The following TNKS2 variants were observed in gnomAD, a reference collection of about 807,000 sequenced individuals.
TNKS2 encodes poly [ADP-ribose] polymerase tankyrase-2.
TNKS2 carries 72 observed loss-of-function variants against 137.6 expected under a neutral mutation model. The observed-to-expected ratio is 0.52, with a 90% CI of 0.43 to 0.64. The LOEUF (loss-of-function observed/expected upper bound fraction) is 0.64, where lower values mean the gene tolerates loss of function less well. TNKS2 is among the 30% of genes least tolerant of loss of function. The pLI, the probability that TNKS2 is intolerant of heterozygous loss-of-function variation, is 0.00. For synonymous variants in TNKS2, 516 were observed against 512.1 expected, an observed-to-expected ratio of 1.01 and a Z score of -0.10; for missense variants, 1,049 against 1,410.2, an observed-to-expected ratio of 0.74 and a Z score of 4.10.
chr10:91,837,015 C>G lies in TNKS2; in HGVS notation c.1527+17C>G. Reference sequence around the variant, plus strand: ...ACTGTAAAAGTAAGATACAGTGTTACGTTTCTGTTAACTTTGGGTTTTTAT... The same window carrying G: ...ACTGTAAAAGTAAGATACAGTGTTAGGTTTCTGTTAACTTTGGGTTTTTAT... On this transcript the variant is annotated intron_variant, in intron 13 of 26. Coordinates refer to ENST00000371627, the MANE Select transcript of TNKS2 (RefSeq NM_025235.4). The G allele has an allele frequency of 6.2e-7, 1 of 1,608,474 alleles. No individual in the cohort carries two copies. The highest frequency in any genetic ancestry group is 1.1e-5 in the South Asian group (1 of 89,856).
At chr10:91,815,727 T>TA (rs1187391268) in intron 2 of TNKS2, among the ~76,000 whole-genome samples, 15 of 152,170 alleles carry the variant, frequency 9.9e-5, no homozygotes, top group Admixed American at 6.5e-4. Flanking sequence ...TAGAAAATGT[T>TA]AAATTATTTA....
intron 21 of TNKS2, among the ~76,000 whole-genome samples, chr10:91,851,555 C>T (rs1842537937): frequency 6.6e-6 from 1 of 152,042 alleles, no homozygotes; most frequent in Non-Finnish European, 1.5e-5. Flanking sequence ...AATTTCTGGA[C>T]CATTCAGAAA....
intron 6 of TNKS2, among the ~76,000 whole-genome samples, chr10:91,820,272 C>G (rs1214499200): frequency 6.6e-6 from 1 of 152,176 alleles, no homozygotes; most frequent in African/African-American, 2.4e-5. Flanking sequence ...AATGAGGTCT[C>G]TACCAAGTGT....
chr10:91,801,845 T>G (rs1589637103), intron 1 of TNKS2, among the ~76,000 whole-genome samples: 1 of 152,184 alleles, frequency 6.6e-6, no homozygotes, highest in East Asian at 1.9e-4. Flanking sequence ...GCTCTAATTT[T>G]ACTAAAAGCA....
chr10:91,819,296 G>C lies in TNKS2; in HGVS notation c.547G>C (p.Glu183Gln). 6.9e-7 allele frequency: 1 copy of C among 1,448,748 alleles called. No individual in the cohort carries two copies. Among genetic ancestry groups the C allele is most frequent in the South Asian group, 1.5e-5 (1 of 68,620 alleles). 89.7% of individuals were successfully genotyped at this position (1,448,748 alleles called of 1,614,324 possible). The change falls in exon 4 of 27, where the codon GAA (glutamate) becomes CAA (glutamine). Residue 183 changes from glutamate (E) to glutamine (Q), a missense_variant. Physicochemically the swap from Glu to Gln is conservative, Grantham distance 29. Transcript: ENST00000371627. ...TGEYKKDELL[E>Q]SARSGNEEKM... ...TGAATATAAGAAAGATGAACTCTTA[G>C]AAAGTGCCAGGTACGTACTAATGTT...
At chr10:91,859,935 TTATTGTAGCCCTTGAG>T (rs1255429849) in intron 25 of TNKS2, among the ~76,000 whole-genome samples, 1 of 152,200 alleles carries the variant, frequency 6.6e-6, no homozygotes, top group Non-Finnish European at 1.5e-5. Flanking sequence ...GAAAGAGGCT[TTATTGTAGCCCTTGAG>T]TATTGTAGGA....
intron 11 of TNKS2, among the ~76,000 whole-genome samples, chr10:91,831,787 A>C (rs1434457279): frequency 1.3e-5 from 2 of 152,334 alleles, no homozygotes; most frequent in South Asian, 4.1e-4. Context: ...AAAGATATAC[A>C]TAGCATCTCA....
intron 2 of TNKS2, among the ~76,000 whole-genome samples, chr10:91,814,169 G>A (rs1183822277): frequency 6.6e-6 from 1 of 152,136 alleles, no homozygotes; most frequent in African/African-American, 2.4e-5. Context: ...GAGAAGATAT[G>A]GAGGTGGAAG....
In TNKS2 at chr10:91,799,511, A is replaced by G. The variant is rs56226527; in HGVS notation, c.199+622A>G. On this transcript the variant is annotated intron_variant, in intron 1 of 26. Coordinates refer to ENST00000371627, the MANE Select transcript of TNKS2 (RefSeq NM_025235.4). Reference sequence around the variant, plus strand: ...CGGGAAGCCTTAGACACACACACATACAAGTTGGGCGGAAAGTGGTAGTAT... The same window carrying G: ...CGGGAAGCCTTAGACACACACACATGCAAGTTGGGCGGAAAGTGGTAGTAT... Among the ~76,000 whole-genome samples the G allele has an allele frequency of 3.4e-3, 514 of 152,298 alleles. 3 individuals carry two copies. The highest frequency in any genetic ancestry group is 0.011 in the African/African-American group (473 of 41,574).
intron 18 of TNKS2, 29 bp downstream of exon 18, chr10:91,845,969 A>G: frequency 6.1e-6 from 9 of 1,483,916 alleles, no homozygotes; most frequent in Non-Finnish European, 8.2e-6. Flanking sequence ...GAAAAATCTC[A>G]GTGCTTTTCT....
chr10:91,817,926 A>T (rs1466424354), intron 3 of TNKS2, among the ~76,000 whole-genome samples: 1 of 152,222 alleles, frequency 6.6e-6, no homozygotes, highest in Non-Finnish European at 1.5e-5. Flanking sequence ...CTACCTTGTG[A>T]TGACTAGAAT....
At chr10:91,839,557 G>A (rs1240013194) in intron 13 of TNKS2, among the ~76,000 whole-genome samples, 1 of 152,110 alleles carries the variant, frequency 6.6e-6, no homozygotes, top group Non-Finnish European at 1.5e-5. Context: ...CTCCCAAAGT[G>A]CTGTGATTAC....
Position 91,828,926 on chromosome 10 carries a change from C to A in TNKS2, c.1104+520C>A, listed in dbSNP as rs10881978. Among the ~76,000 whole-genome samples, 11 of 151,178 alleles carry A rather than the reference C, an allele frequency of 7.3e-5. No homozygotes were observed. In the South Asian group the frequency reaches 1.2e-3, roughly 17 times the overall value. On this transcript the variant is annotated intron_variant, in intron 9 of 26. Coordinates refer to ENST00000371627, the MANE Select transcript of TNKS2 (RefSeq NM_025235.4). ...AGTAGATGTGAGTAGAGAAGTCTAA[C>A]GAAAAACAGAAAAGAATGGAAGCTA... is the stretch of plus-strand genomic sequence containing the variant.
intron 13 of TNKS2, among the ~76,000 whole-genome samples, chr10:91,839,844 A>G (rs937537369): frequency 4.6e-5 from 7 of 152,194 alleles, no homozygotes; most frequent in Admixed American, 1.3e-4. Flanking sequence ...ATTCTGACTC[A>G]GTAGATAGAG....
At position 91,827,038 on chromosome 10, in the gene TNKS2, A is replaced by G. The variant is rs778633485; in HGVS notation, c.817A>G (p.Met273Val). 5.0e-6 allele frequency: 8 copies of G among 1,588,942 alleles called. No individual in the cohort carries two copies. Among genetic ancestry groups the G allele is most frequent in the Admixed American group, 3.7e-5 (2 of 54,342 alleles). ...CCAGCATGGTGCCTGTGTAAATGCA[A>G]TGGACTTGTGGCAATTCACTCCTCT... is the stretch of plus-strand genomic sequence containing the variant. ...LVKHGACVNA[M>V]DLWQFTPLHE... Residue 273 changes from methionine to valine, a missense_variant, in exon 8 of 27, where the codon ATG becomes GTG. Around this residue, in one of 6 missense-constraint regions of TNKS2, gnomAD observed 374 missense variants for 460.8 expected, o/e 0.81. Coordinates refer to ENST00000371627, the MANE Select transcript of TNKS2 (RefSeq NM_025235.4).
rs992890432 is a variant in TNKS2 at position 91,810,235 on chromosome 10, AG to A, written c.200-2746del. The stretch of plus-strand genomic sequence containing the variant: ...TACTAAAAATACAAAAAAATTAGCC[AG>A]GCATGGTGGTGCACACCTGTAGTCC... On this transcript the variant is annotated intron_variant, in intron 1 of 26. Coordinates refer to ENST00000371627, the MANE Select transcript of TNKS2 (RefSeq NM_025235.4). Among the ~76,000 whole-genome samples, 16 of 151,964 alleles carry A rather than the reference AG, an allele frequency of 1.1e-4. 1 individual carries two copies. Among genetic ancestry groups the A allele is most frequent in the Admixed American group, 6.5e-5 (1 of 15,298 alleles).
In TNKS2 at chr10:91,833,965, C is replaced by G. The variant is rs1430774264; in HGVS notation, c.1388C>G (p.Ser463Cys). The G allele has an allele frequency of 1.9e-6, 3 of 1,613,216 alleles. No homozygotes were observed. Among genetic ancestry groups the G allele is most frequent in the East Asian group, 2.2e-5 (1 of 44,846 alleles). Reference sequence around the variant, plus strand: ...TATGGGTGTGATCCTAACATTATATCCCTTCAGGGCTTTACTGCTTTACAG... The same window carrying G: ...TATGGGTGTGATCCTAACATTATATGCCTTCAGGGCTTTACTGCTTTACAG... ...LSYGCDPNII[S>C]LQGFTALQMG... The change falls in exon 12 of 27, where the codon TCC becomes TGC. Residue 463 changes from serine to cysteine, a missense_variant. Around this residue, in one of 6 missense-constraint regions of TNKS2, gnomAD observed 328 missense variants for 436.0 expected, o/e 0.75. Coordinates refer to ENST00000371627, the MANE Select transcript of TNKS2 (RefSeq NM_025235.4).
At position 91,819,510 on chromosome 10, in the gene TNKS2, C is replaced by G; in HGVS notation, c.586C>G (p.Leu196Val). Residue 196 changes from leucine to valine, a missense_variant, in exon 5 of 27, where the codon CTA (leucine) becomes GTA (valine). By Grantham distance (32) the Leu-to-Val change is conservative (BLOSUM62 1). Around this residue, in one of 6 missense-constraint regions of TNKS2, gnomAD observed 374 missense variants for 460.8 expected, o/e 0.81. Coordinates refer to ENST00000371627, the MANE Select transcript of TNKS2 (RefSeq NM_025235.4). ...TGGCAATGAAGAAAAAATGATGGCT[C>G]TACTCACACCATTAAATGTCAACTG... is the stretch of plus-strand genomic sequence containing the variant. ...RSGNEEKMMA[L>V]LTPLNVNCHA... 3 of 1,594,220 alleles carry G rather than the reference C, an allele frequency of 1.9e-6. No homozygotes were observed. The highest frequency in any genetic ancestry group is 2.3e-5 in the East Asian group (1 of 44,126).
In TNKS2 at chr10:91,863,217, G is replaced by T; in HGVS notation, c.*218G>T. On this transcript the variant is annotated 3_prime_UTR_variant, in exon 27 of 27. Coordinates refer to ENST00000371627, the MANE Select transcript of TNKS2 (RefSeq NM_025235.4). ...CTGTTTTTTCAGCACTTTAACAGAT[G>T]CCATTCCAGGTTAAACTGGGTTGTC... is the stretch of plus-strand genomic sequence containing the variant. 1 of 431,294 alleles carries T rather than the reference G, an allele frequency of 2.3e-6. No individual in the cohort carries two copies. The highest frequency in any genetic ancestry group is 4.2e-6 in the Non-Finnish European group (1 of 240,506). The allele number at this position is 431,294 out of a possible 1,614,324, so 26.7% of individuals were successfully genotyped here.
Sources: allele counts gnomAD v4.1 joint callset (sites outside exome capture counted in the v4.1 genomes callset), GRCh38; gene constraint gnomAD v4.1.1; regional missense constraint gnomAD v4.1.1; transcripts MANE v1.5; gene names NCBI Gene and HGNC (gene_info 2026-07-23, HGNC 2026-07-21).